Variants in CDYL observed in about 807,000 individuals in gnomAD.
CDYL encodes the protein chromodomain Y-like protein.
A neutral mutation model predicts 47.3 loss-of-function variants in CDYL; 8 were observed. That is an observed-to-expected ratio of 0.17 (90% CI 0.10 to 0.31). CDYL has a LOEUF of 0.31. CDYL is among the 10% of genes least tolerant of loss of function. The pLI is 1.00. For missense variants in CDYL, 471 were observed against 701.4 expected (o/e 0.67, Z 3.71); for synonymous variants, 266 against 265.0 (o/e 1.00, Z -0.04).
rs148399608 is a variant in CDYL, at chr6:4,930,064, C to T, written c.692-5451C>T. On this transcript the variant is annotated intron_variant, in intron 2 of 6. Coordinates refer to ENST00000397588, the MANE Select transcript of CDYL (RefSeq NM_004824.4). ...ATTTTAAGTATTCTTTATTCTAGAG[C>T]TAGATTAGTTCCACTGCTGATATGT... Among the ~76,000 whole-genome samples the T allele has an allele frequency of 2.8e-3, 429 of 152,268 alleles. 2 individuals carry two copies. Among genetic ancestry groups the T allele is most frequent in the African/African-American group, 7.7e-3 (318 of 41,546 alleles).
intron 2 of CDYL, among the ~76,000 whole-genome samples, chr6:4,934,164 A>G (rs1248718168): frequency 2.6e-5 from 4 of 152,164 alleles, no homozygotes; most frequent in Admixed American, 6.5e-5. Flanking sequence ...TTGTATATCC[A>G]TGGAGATACT....
intron 1 of CDYL, among the ~76,000 whole-genome samples, chr6:4,856,084 C>A (rs891776079): frequency 6.6e-6 from 1 of 152,208 alleles, no homozygotes; most frequent in African/African-American, 2.4e-5. Context: ...ACATGCTCAG[C>A]AAATGTGCCT....
At chr6:4,913,325 A>T (rs1429548141) in intron 2 of CDYL, among the ~76,000 whole-genome samples, 1 of 152,210 alleles carries the variant, frequency 6.6e-6, no homozygotes, top group East Asian at 1.9e-4. Context: ...TTACATCGGT[A>T]ATTTGCTAAT....
intron 3 of CDYL, among the ~76,000 whole-genome samples, chr6:4,743,271 A>G (rs1426457582): frequency 2.0e-5 from 3 of 152,214 alleles, no homozygotes; most frequent in Non-Finnish European, 4.4e-5. Context: ...ATCTCCTGCC[A>G]AGGCTGGATG....
chr6:4,895,409 A>ATGTATATATGTGCATATGTGCATG lies in CDYL; in HGVS notation c.691+3031_691+3032insGTATATATGTGCATATGTGCATGT, dbSNP rs1762234070. 4.2e-4 allele frequency among the ~76,000 whole-genome samples: 3 copies of ATGTATATATGTGCATATGTGCATG among 7,198 alleles called. 1 individual carries two copies. Among genetic ancestry groups the ATGTATATATGTGCATATGTGCATG allele is most frequent in the African/African-American group, 4.4e-4 (3 of 6,880 alleles). 4.7% of individuals were successfully genotyped at this position (7,198 alleles called of 152,430 possible). ...TGTGCATATATGCATGTATACATGT[A>ATGTATATATGTGCATATGTGCATG]TACGTATATATGCATGTATACATGT... On this transcript the variant is annotated intron_variant, in intron 2 of 6. Transcript: ENST00000397588.
At chr6:4,876,728 T>C (rs1396343345) in intron 1 of CDYL, among the ~76,000 whole-genome samples, 1 of 152,220 alleles carries the variant, frequency 6.6e-6, no homozygotes, top group Admixed American at 6.5e-5. Context: ...CTAGAAACTT[T>C]TTATAGGTCT....
At chr6:4,827,658 C>T (rs1760016872) in intron 1 of CDYL, among the ~76,000 whole-genome samples, 1 of 151,898 alleles carries the variant, frequency 6.6e-6, no homozygotes, top group South Asian at 2.1e-4. Context: ...TGCATTTGTC[C>T]TTTTTTTTCT....
intron 2 of CDYL, among the ~76,000 whole-genome samples, chr6:4,907,163 G>A (rs1229648704): frequency 6.6e-6 from 1 of 152,106 alleles, no homozygotes; most frequent in Non-Finnish European, 1.5e-5. Flanking sequence ...GTGAGTCAGG[G>A]GTGCACCCCA....
chr6:4,811,544 A>G (rs964492108), intron 1 of CDYL, among the ~76,000 whole-genome samples: 2 of 152,182 alleles, frequency 1.3e-5, no homozygotes, highest in Admixed American at 6.5e-5. Flanking sequence ...GAGATACTCA[A>G]AAGTAGTCTA....
chr6:4,925,881 G>C (rs1757859384), intron 2 of CDYL, among the ~76,000 whole-genome samples: 1 of 152,180 alleles, frequency 6.6e-6, no homozygotes, highest in South Asian at 2.1e-4. Flanking sequence ...AGCCCGGCAG[G>C]AGCTATTCTT....
intron 1 of CDYL, among the ~76,000 whole-genome samples, chr6:4,811,491 C>T (rs1021454229): frequency 2.6e-5 from 4 of 151,994 alleles, no homozygotes; most frequent in African/African-American, 9.7e-5. Context: ...ACTAGTTGGC[C>T]CTCTCTGTAC....
At chr6:4,728,019 G>A (rs997115766) in intron 2 of CDYL, among the ~76,000 whole-genome samples, 2 of 152,078 alleles carry the variant, frequency 1.3e-5, no homozygotes, top group African/African-American at 2.4e-5. Context: ...TTGGTTAGAG[G>A]GTTTACAACT....
intron 1 of CDYL, among the ~76,000 whole-genome samples, chr6:4,787,673 G>GC (rs1342028606): frequency 6.6e-6 from 1 of 151,216 alleles, no homozygotes; most frequent in South Asian, 2.1e-4. Context: ...TGGCAACGCT[G>GC]CCCCCTCACC....
intron 4 of CDYL, among the ~76,000 whole-genome samples, chr6:4,942,227 G>C (rs960003400): frequency 4.6e-5 from 7 of 152,140 alleles, no homozygotes; most frequent in South Asian, 4.1e-4. Flanking sequence ...CACAAACCTT[G>C]GGGGCTAGGC....
At chr6:4,775,261 G>C (rs1046415077), upstream of CDYL, 2 of 152,348 alleles carry the variant, frequency 1.3e-5, no homozygotes, top group Non-Finnish European at 2.9e-5. This position sits in a 1 kb window ranked among gnomAD's most constrained non-coding sequence, Gnocchi z 7.0. Context: ...CCGTGGGGAA[G>C]TTCCGCATAC....
chr6:4,852,640 A>T (rs1418442055), intron 1 of CDYL, among the ~76,000 whole-genome samples: 1 of 149,244 alleles, frequency 6.7e-6, no homozygotes, highest in African/African-American at 2.5e-5. Flanking sequence ...ATTTAAATCA[A>T]GTTTACATTT....
At chr6:4,948,208 TC>T (rs1758588425) in intron 5 of CDYL, among the ~76,000 whole-genome samples, 1 of 152,184 alleles carries the variant, frequency 6.6e-6, no homozygotes, top group South Asian at 2.1e-4. Context: ...TTCTGACCCC[TC>T]CCACTGTATG....
chr6:4,945,092 G>A (rs1018730240), intron 5 of CDYL, among the ~76,000 whole-genome samples: 10 of 152,238 alleles, frequency 6.6e-5, no homozygotes, highest in Non-Finnish European at 7.3e-5. Context: ...AAGGGGACAC[G>A]ACAGCTCAGA....
chr6:4,830,827 C>T (rs1377208346), intron 1 of CDYL, among the ~76,000 whole-genome samples: 1 of 142,710 alleles, frequency 7.0e-6, no homozygotes, highest in Non-Finnish European at 1.5e-5. Context: ...TTGTTCAATT[C>T]CCACCTATGA....
Sources: gnomAD v4.1 joint callset for allele counts (sites outside exome capture counted in the v4.1 genomes callset) on GRCh38, gnomAD v4.1.1 for gene constraint, Gnocchi (gnomAD v3.1) non-coding constraint, MANE v1.5 for transcripts, NCBI Gene and HGNC (gene_info 2026-07-23, HGNC 2026-07-21) for gene names.